The following CRELD1 variants were observed in gnomAD, a reference collection of about 807,000 sequenced individuals.
CRELD1 encodes the protein CRELD disulfide isomerase 1.
Under a neutral mutation model 58.2 loss-of-function variants are expected in CRELD1, and 42 were observed. The observed-to-expected ratio is 0.72, with a 90% confidence interval of 0.56 to 0.93. The LOEUF is 0.93. Among genes scored for constraint, CRELD1 ranks in the 40% least tolerant of loss-of-function variants. The pLI is 0.00. For missense variants in CRELD1, 500 were observed against 540.6 expected, an observed-to-expected ratio of 0.92 and a Z score of 0.74; for synonymous variants, 222 against 202.0, an observed-to-expected ratio of 1.10 and a Z score of -0.84.
rs2085491970 is a variant in CRELD1 at position 9,945,397 on chromosome 3, G to C, written c.*818G>C. ...AAAAGTGTGGTCGCCATTATGACCA[G>C]AGCCTCCAAGCCTCAAGCAACCTTT... On this transcript the variant is annotated 3_prime_UTR_variant, in exon 11 of 11. Transcript: ENST00000452070. 1 of 152,408 alleles carries C rather than the reference G, an allele frequency of 6.6e-6. No individual in the cohort carries two copies. The allele number at this position is 152,408 out of a possible 1,614,324, so 9.4% of individuals were successfully genotyped here.
chr3:9,943,992 A>G, intron 10 of CRELD1: 1 of 997,856 alleles, frequency 1.0e-6, no homozygotes, highest in African/African-American at 1.6e-5. Flanking sequence ...GTAAAAATGA[A>G]GATGCAGAGA....
intron 3 of CRELD1, among the ~76,000 whole-genome samples, chr3:9,937,105 C>T (rs954660524): frequency 1.3e-5 from 2 of 152,152 alleles, no homozygotes; most frequent in Non-Finnish European, 2.9e-5. Context: ...TATGGCAATT[C>T]CATGTTTTAC....
chr3:9,944,631 T>A lies in CRELD1; in HGVS notation c.*52T>A. 6.7e-7 allele frequency: 1 copy of A among 1,490,232 alleles called. No homozygotes were observed. Among genetic ancestry groups the A allele is most frequent in the Non-Finnish European group, 9.1e-7 (1 of 1,099,596 alleles). 92.3% of individuals were successfully genotyped at this position (1,490,232 alleles called of 1,614,324 possible). A position where few individuals can be genotyped will look rare whatever the true frequency, so the allele number is the denominator to read the frequency against. ...TCCCACCCACGCTGCCCCCAGAGCT[T>A]GGGCTGCCCTCCTGCTGGACACTCA... is the stretch of plus-strand genomic sequence containing the variant. On this transcript the variant is annotated 3_prime_UTR_variant, in exon 11 of 11. Transcript: ENST00000452070.
chr3:9,941,136 C>T lies in CRELD1; in HGVS notation c.663C>T (p.Cys221=), dbSNP rs1484622250. 6.2e-7 allele frequency: 1 copy of T among 1,614,228 alleles called. No homozygotes were observed. The highest frequency in any genetic ancestry group is 1.3e-5 in the African/African-American group (1 of 75,070). Residue 221 remains cysteine, a synonymous_variant, in exon 7 of 11, where the codon TGC becomes TGT. Coordinates refer to ENST00000452070, the MANE Select transcript of CRELD1 (RefSeq NM_001077415.3). ...CSACFGPCAR[C]SGPEESNCLQ... ...CTTGTTTTGGCCCCTGTGCCCGATGCTCAGGACCTGAGGAATCAAACTGTT... is the reference window on the plus strand; with the variant it reads ...CTTGTTTTGGCCCCTGTGCCCGATGTTCAGGACCTGAGGAATCAAACTGTT...
chr3:9,940,117 G>A (rs1289239061), intron 5 of CRELD1, among the ~76,000 whole-genome samples: 4 of 151,946 alleles, frequency 2.6e-5, no homozygotes, highest in South Asian at 2.1e-4. Flanking sequence ...GGTCGCGGCC[G>A]GGCAGAGACG....
Position 9,942,866 on chromosome 3 carries a change from G to T in CRELD1, c.787G>T (p.Val263Leu). The change falls in exon 8 of 11, where the codon GTG (valine) becomes TTG (leucine). Residue 263 changes from valine (V) to leucine (L), a missense_variant. Val to Leu is a conservative substitution (Grantham distance 32). Transcript: ENST00000452070. Reference protein sequence around the residue: ...GANCGADQFCVNTEGSYECRD... With the variant: ...GANCGADQFCLNTEGSYECRD... ...CAACTGTGGAGCTGACCAATTCTGC[G>T]TGAACACTGAGGGCTCCTATGAGTG... 6.2e-7 allele frequency: 1 copy of T among 1,614,172 alleles called. No homozygotes were observed. The highest frequency in any genetic ancestry group is 1.1e-5 in the South Asian group (1 of 91,082).
chr3:9,944,886 G>A lies in CRELD1; in HGVS notation c.*307G>A. The stretch of plus-strand genomic sequence containing the variant: ...AGCTTTGGCCCCTGCTTAGGATTAG[G>A]TGGTCCTCACAGGGGTGGGGCCATC... On this transcript the variant is annotated 3_prime_UTR_variant, in exon 11 of 11. Coordinates refer to ENST00000452070, the MANE Select transcript of CRELD1 (RefSeq NM_001077415.3). The A allele has an allele frequency of 4.7e-6, 2 of 428,466 alleles. No individual in the cohort carries two copies. The highest frequency in any genetic ancestry group is 3.5e-5 in the Admixed American group (1 of 28,516). 26.5% of individuals were successfully genotyped at this position (428,466 alleles called of 1,614,324 possible). A position where few individuals can be genotyped will look rare whatever the true frequency, so the allele number is the denominator to read the frequency against.
intron 5 of CRELD1, among the ~76,000 whole-genome samples, chr3:9,939,379 G>A (rs1214915907): frequency 6.6e-6 from 1 of 152,058 alleles, no homozygotes; most frequent in Non-Finnish European, 1.5e-5. Context: ...GTTTCTCCCA[G>A]AGGGGGATTT....
At chr3:9,934,250 C>G in intron 1 of CRELD1, 170 bp from the exon 2 acceptor site, 2 of 613,760 alleles carry the variant, frequency 3.3e-6, no homozygotes, top group East Asian at 5.5e-5. Context: ...GGAATTGCAT[C>G]TTATGCGCCT....
Position 9,944,327 on chromosome 3 carries a change from G to T in CRELD1, c.1049-38G>T. Reference sequence around the variant, plus strand: ...GACTCCAAGAACTACCAGGAACAGGGATACGAGTGCCAGGCTGCATCTCTT... The same window carrying T: ...GACTCCAAGAACTACCAGGAACAGGTATACGAGTGCCAGGCTGCATCTCTT... On this transcript the variant is annotated intron_variant, in intron 10 of 10. Coordinates refer to ENST00000452070, the MANE Select transcript of CRELD1 (RefSeq NM_001077415.3). The T allele has an allele frequency of 6.4e-6, 10 of 1,558,068 alleles. 1 individual carries two copies. The highest frequency in any genetic ancestry group is 8.9e-6 in the Non-Finnish European group (10 of 1,129,682).
Position 9,943,076 on chromosome 3 carries a change from G to C in CRELD1, c.818-1G>C. 6 of 1,613,740 alleles carry C rather than the reference G, an allele frequency of 3.7e-6. No homozygotes were observed. Among genetic ancestry groups the C allele is most frequent in the Non-Finnish European group, 3.4e-6 (4 of 1,179,918 alleles). On this transcript the variant is annotated splice_acceptor_variant, in intron 8 of 10. Transcript: ENST00000452070. LOFTEE classifies it high-confidence loss of function. ...CCCTCATCTTTCTCTCCTCTCTCCA[G>C]ACTGTGCCAAGGCCTGCCTAGGCTG...
intron 4 of CRELD1, 127 bp from the exon 5 acceptor site, chr3:9,937,888 T>A: frequency 1.3e-6 from 1 of 774,742 alleles, no homozygotes; most frequent in Non-Finnish European, 2.2e-6. Flanking sequence ...ATTGGTCAGA[T>A]GGCCTTTTGG....
rs2085124566 is a variant in CRELD1, at chr3:9,934,831, C to T, written c.175-4C>T. On this transcript the variant is annotated splice_polypyrimidine_tract_variant and splice_region_variant and intron_variant, in intron 2 of 10. Transcript: ENST00000452070. ...CTTAGCTATTACTAATTTTCTGTTTCCAGGGCCTGGAGAGAACCATCCGGG... is the reference window on the plus strand; with the variant it reads ...CTTAGCTATTACTAATTTTCTGTTTTCAGGGCCTGGAGAGAACCATCCGGG... 6.2e-7 allele frequency: 1 copy of T among 1,610,912 alleles called. No homozygotes were observed. The highest frequency in any genetic ancestry group is 8.5e-7 in the Non-Finnish European group (1 of 1,178,438).
At chr3:9,942,966 C>A in intron 8 of CRELD1, 70 bp downstream of exon 8, 1 of 1,545,232 alleles carries the variant, frequency 6.5e-7, no homozygotes, top group African/African-American at 1.4e-5. Context: ...CCTGTCCCTC[C>A]AAACCTTCCC....
chr3:9,934,311 C>A, intron 1 of CRELD1, 109 bp from the exon 2 acceptor site: 1 of 868,898 alleles, frequency 1.2e-6, no homozygotes, highest in Non-Finnish European at 1.9e-6. Flanking sequence ...GCCTCTTTTG[C>A]TTGTAATAAC....
chr3:9,935,399 A>G (rs1240772331), intron 3 of CRELD1, among the ~76,000 whole-genome samples: 1 of 152,006 alleles, frequency 6.6e-6, no homozygotes, highest in Non-Finnish European at 1.5e-5. Context: ...TTTTTTTTGG[A>G]GTGTAATGGG....
At position 9,941,131 on chromosome 3, in the gene CRELD1, C is replaced by T. The variant is rs1433259474; in HGVS notation, c.658C>T (p.Arg220Ter). The T allele has an allele frequency of 2.5e-6, 4 of 1,614,202 alleles. No homozygotes were observed. Among genetic ancestry groups the T allele is most frequent in the African/African-American group, 1.3e-5 (1 of 75,046 alleles). ...VCSACFGPCA[R>*]CSGPEESNCL... The stretch of plus-strand genomic sequence containing the variant: ...CCCAGCTTGTTTTGGCCCCTGTGCC[C>T]GATGCTCAGGACCTGAGGAATCAAA... The change falls in exon 7 of 11, where the codon CGA (arginine) becomes TGA (stop). Residue 220 changes from arginine (R) to a stop codon, truncating the protein, a stop_gained. Coordinates refer to ENST00000452070, the MANE Select transcript of CRELD1 (RefSeq NM_001077415.3). LOFTEE classifies it high-confidence loss of function.
At chr3:9,940,606 G>A (rs897012092) in intron 5 of CRELD1, among the ~76,000 whole-genome samples, 10 of 148,806 alleles carry the variant, frequency 6.7e-5, no homozygotes, top group Non-Finnish European at 1.0e-4. Flanking sequence ...GCAGTGAGCC[G>A]AGATGGCAGC....
Position 9,945,229 on chromosome 3 carries a change from C to A in CRELD1, c.*650C>A. On this transcript the variant is annotated 3_prime_UTR_variant, in exon 11 of 11. Coordinates refer to ENST00000452070, the MANE Select transcript of CRELD1 (RefSeq NM_001077415.3). The stretch of plus-strand genomic sequence containing the variant: ...TGCCAGCTGTCATTTGGCAAAGGAC[C>A]CTGGACAGATGACTTTTGCCTCTGA... The A allele has an allele frequency of 6.3e-6, 1 of 159,402 alleles. No homozygotes were observed. The highest frequency in any genetic ancestry group is 1.4e-5 in the Non-Finnish European group (1 of 71,846). The allele number at this position is 159,402 out of a possible 1,614,324, so 9.9% of individuals were successfully genotyped here. A position where few individuals can be genotyped will look rare whatever the true frequency, so the allele number is the denominator to read the frequency against.
Sources: allele counts gnomAD v4.1 joint callset (sites outside exome capture counted in the v4.1 genomes callset), GRCh38; gene constraint gnomAD v4.1.1; transcripts MANE v1.5; gene names NCBI Gene and HGNC (gene_info 2026-07-23, HGNC 2026-07-21).